Variants in KCNH8 observed in about 807,000 individuals in gnomAD.
KCNH8 encodes potassium voltage-gated channel subfamily H member 8.
In KCNH8, 70 loss-of-function variants were observed where a neutral mutation model predicts 103.6. The observed-to-expected ratio is 0.68, with a 90% CI of 0.56 to 0.82. The LOEUF is 0.82. KCNH8 is among the 40% of genes least tolerant of loss of function. The pLI is 0.00. For missense variants in KCNH8, 1,217 were observed against 1,329.9 expected (o/e 0.92, Z 1.32); for synonymous variants, 498 against 489.4 (o/e 1.02, Z -0.23).
intron 1 of KCNH8, among the ~76,000 whole-genome samples, chr3:19,153,481 C>T (rs1435722377): frequency 6.6e-6 from 1 of 152,114 alleles, no homozygotes; most frequent in Non-Finnish European, 1.5e-5. Context: ...TTTACAGAAG[C>T]ATATTGAGGA....
intron 6 of KCNH8, among the ~76,000 whole-genome samples, chr3:19,392,060 C>T (rs1026617392): frequency 6.6e-6 from 1 of 150,780 alleles, no homozygotes; most frequent in Non-Finnish European, 1.5e-5. Flanking sequence ...TATTTGAGTA[C>T]TGAGCGAATA....
chr3:19,284,018 T>A (rs141456516), intron 3 of KCNH8, among the ~76,000 whole-genome samples: 1 of 151,796 alleles, frequency 6.6e-6, no homozygotes, highest in East Asian at 1.9e-4. Context: ...ACCTTAAAAT[T>A]TACCAATTGA....
chr3:19,168,859 T>A (rs2063310682), intron 1 of KCNH8, among the ~76,000 whole-genome samples: 1 of 152,118 alleles, frequency 6.6e-6, no homozygotes, highest in Admixed American at 6.5e-5. Context: ...AATAAAAAAA[T>A]TAAAATCCAA....
chr3:19,245,242 G>A (rs996772760), intron 1 of KCNH8, among the ~76,000 whole-genome samples: 1 of 151,936 alleles, frequency 6.6e-6, no homozygotes, highest in Non-Finnish European at 1.5e-5. Flanking sequence ...TGCTTTTGTT[G>A]TTCTTGTAAA....
At chr3:19,279,623 A>G (rs997641092) in intron 2 of KCNH8, among the ~76,000 whole-genome samples, 2 of 152,132 alleles carry the variant, frequency 1.3e-5, no homozygotes, top group Admixed American at 1.3e-4. Flanking sequence ...TTGGGAGAAT[A>G]CAGAGGAACG....
intron 3 of KCNH8, among the ~76,000 whole-genome samples, chr3:19,324,987 G>A (rs930548087): frequency 2.0e-5 from 3 of 152,132 alleles, no homozygotes; most frequent in African/African-American, 7.2e-5. Context: ...TGTAAGAACA[G>A]ACAAATAGAC....
Position 19,155,044 on chromosome 3 carries a change from G to T in KCNH8, c.76+6249G>T, listed in dbSNP as rs540253469. ...TTTAAACAGGCAAATATAGTTATTGGATTATAAATTCCCTGGAAGATATGT... is the reference window on the plus strand; with the variant it reads ...TTTAAACAGGCAAATATAGTTATTGTATTATAAATTCCCTGGAAGATATGT... On this transcript the variant is annotated intron_variant, in intron 1 of 15. Coordinates refer to ENST00000328405, the MANE Select transcript of KCNH8 (RefSeq NM_144633.3). Among the ~76,000 whole-genome samples the T allele has an allele frequency of 3.9e-5, 6 of 152,284 alleles. No individual in the cohort carries two copies. In the South Asian group the frequency reaches 1.2e-3, roughly 32 times the overall value.
chr3:19,449,566 C>T (rs908004212), intron 8 of KCNH8, among the ~76,000 whole-genome samples: 29 of 151,640 alleles, frequency 1.9e-4, no homozygotes, highest in African/African-American at 3.4e-4. Flanking sequence ...TATTCTAAAA[C>T]GAATTTTAAA....
chr3:19,367,433 CATA>C (rs879605758), intron 5 of KCNH8, among the ~76,000 whole-genome samples: 2 of 145,130 alleles, frequency 1.4e-5, no homozygotes, highest in African/African-American at 2.5e-5. Flanking sequence ...ATATATATAT[CATA>C]ATATATATAT....
chr3:19,318,026 A>T (rs2065297743), intron 3 of KCNH8, among the ~76,000 whole-genome samples: 1 of 152,028 alleles, frequency 6.6e-6, no homozygotes, highest in South Asian at 2.1e-4. Flanking sequence ...GGAATAGAGG[A>T]AGTCAAACTA....
chr3:19,211,471 C>T (rs913907836), intron 1 of KCNH8, among the ~76,000 whole-genome samples: 6 of 152,084 alleles, frequency 3.9e-5, no homozygotes, highest in Non-Finnish European at 7.4e-5. Flanking sequence ...TTTCTCAAGG[C>T]GTAGTCTCTG....
intron 3 of KCNH8, among the ~76,000 whole-genome samples, chr3:19,340,449 G>A (rs376055751): frequency 3.3e-5 from 5 of 150,768 alleles, no homozygotes; most frequent in East Asian, 2.0e-4. Context: ...ATGCTGGTGC[G>A]CTGCACCCAC....
chr3:19,330,165 T>C (rs778652808), intron 3 of KCNH8, among the ~76,000 whole-genome samples: 2 of 152,196 alleles, frequency 1.3e-5, no homozygotes, highest in African/African-American at 4.8e-5. Context: ...TATTCTAACA[T>C]TTTTGTTCAA....
intron 7 of KCNH8, among the ~76,000 whole-genome samples, chr3:19,436,929 G>C (rs913072110): frequency 6.6e-6 from 1 of 152,158 alleles, no homozygotes; most frequent in East Asian, 1.9e-4. Flanking sequence ...GCAAGCTAAA[G>C]GTTGAAAAAC....
intron 3 of KCNH8, among the ~76,000 whole-genome samples, chr3:19,321,619 T>C (rs1012922983): frequency 2.0e-5 from 3 of 151,950 alleles, no homozygotes; most frequent in Non-Finnish European, 2.9e-5. Flanking sequence ...TCTTGGAGAA[T>C]GTTTTGTGTG....
chr3:19,364,226 A>G (rs2065981537), intron 5 of KCNH8, among the ~76,000 whole-genome samples: 1 of 152,032 alleles, frequency 6.6e-6, no homozygotes, highest in South Asian at 2.1e-4. Flanking sequence ...CCACGTCTTC[A>G]TGCCCACGCC....
At chr3:19,400,897 A>G (rs1215003736) in intron 7 of KCNH8, among the ~76,000 whole-genome samples, 2 of 151,972 alleles carry the variant, frequency 1.3e-5, no homozygotes, top group Non-Finnish European at 2.9e-5. Context: ...TGAATTTACT[A>G]ACCCTACTTT....
chr3:19,194,345 G>C (rs530955461), intron 1 of KCNH8, among the ~76,000 whole-genome samples: 2 of 151,828 alleles, frequency 1.3e-5, no homozygotes, highest in South Asian at 2.1e-4. Flanking sequence ...GCAAGTGTTA[G>C]TAGATATTTT....
At chr3:19,334,728 G>GA (rs2065558521) in intron 3 of KCNH8, among the ~76,000 whole-genome samples, 1 of 147,572 alleles carries the variant, frequency 6.8e-6, no homozygotes, top group Non-Finnish European at 1.5e-5. Flanking sequence ...AAAAAGCCTA[G>GA]AACAAAGCCA....
Sources: allele counts gnomAD v4.1 joint callset (sites outside exome capture counted in the v4.1 genomes callset), GRCh38; gene constraint gnomAD v4.1.1; transcripts MANE v1.5; gene names NCBI Gene and HGNC (gene_info 2026-07-23, HGNC 2026-07-21).